Variants in PSMD1 observed in about 807,000 individuals in gnomAD.
PSMD1 encodes the protein proteasome 26S subunit, non-ATPase 1.
A neutral mutation model predicts 119.0 loss-of-function variants in PSMD1; 18 were observed. The ratio of observed to expected loss-of-function variants is 0.15; its 90% CI spans 0.10 to 0.22. PSMD1 has a LOEUF of 0.22. Among genes scored for constraint, PSMD1 ranks in the 10% least tolerant of loss-of-function variants. The pLI, the probability that PSMD1 is intolerant of heterozygous loss-of-function variation, is 1.00. For synonymous variants in PSMD1, 374 were observed against 396.6 expected, an observed-to-expected ratio of 0.94 and a Z score of 0.68; for missense variants, 702 against 1,158.5, an observed-to-expected ratio of 0.61 and a Z score of 5.72.
chr2:231,109,348 G>C, intron 16 of PSMD1: 1 of 1,614,080 alleles, frequency 6.2e-7, no homozygotes, highest in Non-Finnish European at 8.5e-7. Context: ...GCACACAAGT[G>C]ATATTGTTTG....
At chr2:231,078,503 G>A (rs1014158902) in intron 9 of PSMD1, among the ~76,000 whole-genome samples, 156 bp from the exon 10 acceptor site, 4 of 152,148 alleles carry the variant, frequency 2.6e-5, no homozygotes, top group Non-Finnish European at 5.9e-5. Context: ...TAGCTATTTA[G>A]TCTTTATAAA....
intron 16 of PSMD1, among the ~76,000 whole-genome samples, chr2:231,093,427 G>A (rs972930439): frequency 2.6e-5 from 4 of 152,044 alleles, no homozygotes; most frequent in Non-Finnish European, 4.4e-5. Context: ...AGGAAGCCGC[G>A]TCGTCCGGGG....
chr2:231,101,064 A>G (rs1019924188), intron 16 of PSMD1, among the ~76,000 whole-genome samples: 1 of 152,198 alleles, frequency 6.6e-6, no homozygotes, highest in African/African-American at 2.4e-5. Flanking sequence ...CTAGGGGCTG[A>G]AGAGAGTTAG....
chr2:231,159,117 G>A (rs1403179874), intron 19 of PSMD1, among the ~76,000 whole-genome samples: 3 of 152,146 alleles, frequency 2.0e-5, no homozygotes, highest in African/African-American at 7.2e-5. Flanking sequence ...AAAACACTGA[G>A]ATCAAGAGAA....
chr2:231,064,463 A>T (rs569492524), intron 4 of PSMD1, among the ~76,000 whole-genome samples: 1 of 152,220 alleles, frequency 6.6e-6, no homozygotes, highest in Non-Finnish European at 1.5e-5. Context: ...AACCTGGGAC[A>T]TACATTTTTC....
Position 231,146,265 on chromosome 2 carries a change from T to A in PSMD1, c.2024T>A (p.Met675Lys), listed in dbSNP as rs772055670. The A allele has an allele frequency of 1.9e-6, 3 of 1,613,680 alleles. No individual in the cohort carries two copies. The highest frequency in any genetic ancestry group is 2.5e-6 in the Non-Finnish European group (3 of 1,179,704). The change falls in exon 18 of 25, where the codon ATG (methionine) becomes AAG (lysine). Residue 675 changes from methionine to lysine, a missense_variant. Physicochemically the swap from Met to Lys is moderately conservative, Grantham distance 95 (BLOSUM62 -1). This residue lies in a region of PSMD1 where 272 missense variants were observed against 511.6 expected (regional missense o/e 0.53). Transcript: ENST00000308696. ...NKEAINLLEP[M>K]TNDPVNYVRQ... Reference sequence around the variant, plus strand: ...GAAGCCATTAATTTGCTAGAACCAATGACAAACGACCCCGTGAACTACGTG... The same window carrying A: ...GAAGCCATTAATTTGCTAGAACCAAAGACAAACGACCCCGTGAACTACGTG...
In PSMD1 at chr2:231,069,188, TA is replaced by T. The variant is rs547758033; in HGVS notation, c.511-825del. Among the ~76,000 whole-genome samples the T allele has an allele frequency of 3.4e-3, 489 of 143,976 alleles. 2 individuals carry two copies. The highest frequency in any genetic ancestry group is 8.9e-3 in the African/African-American group (350 of 39,446). The allele number at this position is 143,976 out of a possible 152,430, so 94.5% of individuals were successfully genotyped here. A position where few individuals can be genotyped will look rare whatever the true frequency, so the allele number is the denominator to read the frequency against. ...TAAAGTAAAAGAATGAAAAATGTTT[TA>T]AAAAAAAAAAAGCAGAGTAACAAAT... is the stretch of plus-strand genomic sequence containing the variant. On this transcript the variant is annotated intron_variant, in intron 5 of 24. Transcript: ENST00000308696.
chr2:231,070,234 C>T, intron 6 of PSMD1, 66 bp downstream of exon 6: 1 of 1,202,066 alleles, frequency 8.3e-7, no homozygotes, highest in Non-Finnish European at 1.1e-6. Context: ...TATACCACTT[C>T]ACATTTTATT....
intron 17 of PSMD1, among the ~76,000 whole-genome samples, chr2:231,139,314 CTTTTTTTTTT>C (rs60709158): frequency 1.1e-5 from 1 of 93,540 alleles, no homozygotes; most frequent in East Asian, 3.3e-4. Context: ...TTTTTTCTTT[CTTTTTTTTTT>C]TTTTTTTTTT....
chr2:231,108,829 C>T, intron 16 of PSMD1: 1 of 1,614,076 alleles, frequency 6.2e-7, no homozygotes, highest in Non-Finnish European at 8.5e-7. Context: ...GGGTGTAGAC[C>T]AAAGGATTCA....
chr2:231,073,097 GAGA>G (rs1694078186), intron 7 of PSMD1, among the ~76,000 whole-genome samples: 1 of 152,106 alleles, frequency 6.6e-6, no homozygotes, highest in African/African-American at 2.4e-5. Context: ...GAGTCCCAAG[GAGA>G]AGGAGAGAGA....
At chr2:231,149,914 A>G (rs1374798160) in intron 18 of PSMD1, among the ~76,000 whole-genome samples, 1 of 152,250 alleles carries the variant, frequency 6.6e-6, no homozygotes, top group Non-Finnish European at 1.5e-5. Flanking sequence ...ATCAACAAGA[A>G]TATTTTGAAG....
intron 18 of PSMD1, among the ~76,000 whole-genome samples, chr2:231,150,582 TATAA>T (rs1472411628): frequency 6.6e-6 from 1 of 152,124 alleles, no homozygotes; most frequent in Non-Finnish European, 1.5e-5. Context: ...TCCTACTTAG[TATAA>T]ATATTCATAT....
rs1244178284 is a variant in PSMD1, at chr2:231,165,978, A to T, written c.2676A>T (p.Leu892=). Residue 892 remains leucine (L), a synonymous_variant, in exon 23 of 25, where the codon CTA becomes CTT. Coordinates refer to ENST00000308696, the MANE Select transcript of PSMD1 (RefSeq NM_002807.4). ...ARVMPAQLKV[L]TMPETCRYQP... ...TTATGCCTGCCCAGCTTAAGGTCCT[A>T]ACCATGCCGGAGACCTGTAGATACC... The T allele has an allele frequency of 1.2e-6, 2 of 1,613,912 alleles. No homozygotes were observed. The highest frequency in any genetic ancestry group is 2.2e-5 in the East Asian group (1 of 44,878).
chr2:231,063,764 A>G (rs1693820826), intron 4 of PSMD1, among the ~76,000 whole-genome samples: 1 of 152,062 alleles, frequency 6.6e-6, no homozygotes, highest in Admixed American at 6.5e-5. Flanking sequence ...AAACTAGACT[A>G]CTTTCTTCAC....
rs758365528 is a variant in PSMD1, at chr2:231,153,572, G to A, written c.2124G>A (p.Gln708=). 6.2e-7 allele frequency: 1 copy of A among 1,611,202 alleles called. No individual in the cohort carries two copies. The highest frequency in any genetic ancestry group is 1.7e-5 in the Admixed American group (1 of 59,710). The change falls in exon 19 of 25, where the codon CAG becomes CAA. Residue 708 remains glutamine (Q), a synonymous_variant. Transcript: ENST00000308696. ...TTCTCTTGCTCCTTCAGGTGAATCA[G>A]TTCAGACAGCTGTATTCCAAAGTCA... ...QTEITCPKVN[Q]FRQLYSKVIN... is the part of the protein sequence containing the mutation.
At chr2:231,135,633 C>G (rs1695949142) in intron 16 of PSMD1, among the ~76,000 whole-genome samples, 1 of 152,062 alleles carries the variant, frequency 6.6e-6, no homozygotes, top group Non-Finnish European at 1.5e-5. Flanking sequence ...TCCTGGAAAA[C>G]AGTCAAGAAA....
At chr2:231,097,946 CTGAT>C (rs907943608) in intron 16 of PSMD1, among the ~76,000 whole-genome samples, 3 of 152,164 alleles carry the variant, frequency 2.0e-5, no homozygotes, top group Non-Finnish European at 4.4e-5. Flanking sequence ...CAAGGGCTGA[CTGAT>C]TGATAACCTG....
At chr2:231,130,597 A>G (rs1313489472) in intron 16 of PSMD1, among the ~76,000 whole-genome samples, 1 of 152,180 alleles carries the variant, frequency 6.6e-6, no homozygotes, top group Non-Finnish European at 1.5e-5. Flanking sequence ...AGCTGAGACT[A>G]CAGGCATGCA....
Sources: allele counts gnomAD v4.1 joint callset (sites outside exome capture counted in the v4.1 genomes callset), GRCh38; gene constraint gnomAD v4.1.1; regional missense constraint gnomAD v4.1.1; transcripts MANE v1.5; gene names NCBI Gene and HGNC (gene_info 2026-07-23, HGNC 2026-07-21).